The following DSP variants were observed in gnomAD, a reference collection of about 807,000 sequenced individuals.
The protein encoded by DSP is desmoplakin.
Under a neutral mutation model 290.6 loss-of-function variants are expected in DSP, and 114 were observed. The ratio of observed to expected loss-of-function variants is 0.39; its 90% CI spans 0.34 to 0.46. DSP has a LOEUF of 0.46. Among genes scored for constraint, DSP ranks in the 20% least tolerant of loss-of-function variants. The pLI is 0.99. For synonymous variants in DSP, 1,311 were observed against 1,316.4 expected, an observed-to-expected ratio of 1.00 and a Z score of 0.09; for missense variants, 3,230 against 3,495.8, an observed-to-expected ratio of 0.92 and a Z score of 1.92.
chr6:7,541,791 G>A lies in DSP; in HGVS notation c.-125G>A. 1 of 1,278,324 alleles carries A rather than the reference G, an allele frequency of 7.8e-7. No homozygotes were observed. Among genetic ancestry groups the A allele is most frequent in the Non-Finnish European group, 1.0e-6 (1 of 954,944 alleles). 79.2% of individuals were successfully genotyped at this position (1,278,324 alleles called of 1,614,324 possible). A position where few individuals can be genotyped will look rare whatever the true frequency, so the allele number is the denominator to read the frequency against. Reference sequence around the variant, plus strand: ...CCCAGGTAGCGAGCAGCGACCTCGCGAGCCTTCCGCACTCCCGCCCGGTTC... The same window carrying A: ...CCCAGGTAGCGAGCAGCGACCTCGCAAGCCTTCCGCACTCCCGCCCGGTTC... On this transcript the variant is annotated 5_prime_UTR_variant, in exon 1 of 24. Transcript: ENST00000379802.
At position 7,576,549 on chromosome 6, in the gene DSP, A is replaced by C. The variant is rs911272248; in HGVS notation, c.2793+93A>C. 2.0e-6 allele frequency: 3 copies of C among 1,500,388 alleles called. No individual in the cohort carries two copies. The African/African-American group carries it at 4.1e-5, about 21-fold the overall frequency. The allele number at this position is 1,500,388 out of a possible 1,614,324, so 92.9% of individuals were successfully genotyped here. ...GTTTTTGTATCAGTGCCTAGGTTTG[A>C]AATGATGAATATTTAATATTACTAA... On this transcript the variant is annotated intron_variant, in intron 19 of 23. Coordinates refer to ENST00000379802, the MANE Select transcript of DSP (RefSeq NM_004415.4).
chr6:7,543,377 T>C (rs994417479), intron 1 of DSP, among the ~76,000 whole-genome samples: 4 of 148,870 alleles, frequency 2.7e-5, no homozygotes, highest in African/African-American at 9.9e-5. Context: ...TGGGGCATCC[T>C]GAAAATCTAT....
At position 7,574,298 on chromosome 6, in the gene DSP, T is replaced by C; in HGVS notation, c.2297+46T>C. The C allele has an allele frequency of 1.9e-6, 3 of 1,585,890 alleles. No homozygotes were observed. In the East Asian group the frequency reaches 6.7e-5, roughly 35 times the overall value. ...TCTCATATTTTCCTTTTCTCAAGCT[T>C]CTTTTTCTGGGTCTTCATTTGCTTT... On this transcript the variant is annotated intron_variant, in intron 16 of 23. Transcript: ENST00000379802.
chr6:7,544,409 T>C (rs1018208868), intron 1 of DSP, among the ~76,000 whole-genome samples: 2 of 152,172 alleles, frequency 1.3e-5, no homozygotes. Context: ...GCTAAGTGAA[T>C]GATGATTAAG....
Position 7,575,402 on chromosome 6 carries a change from T to G in DSP, c.2544T>G (p.Leu848=). Residue 848 remains leucine, a synonymous_variant, in exon 18 of 24, where the codon CTT becomes CTG. Transcript: ENST00000379802. ...CTCAGACTTCACAGCAGTATCCACT[T>G]TATGATCTGGACTTGGGCAAGTTCG... ...IHSQTSQQYP[L]YDLDLGKFGE... is the part of the protein sequence containing the mutation. 6.2e-7 allele frequency: 1 copy of G among 1,614,202 alleles called. No individual in the cohort carries two copies. Among genetic ancestry groups the G allele is most frequent in the South Asian group, 1.1e-5 (1 of 91,078 alleles).
Position 7,584,207 on chromosome 6 carries a change from C to A in DSP, c.6945C>A (p.Ala2315=), listed in dbSNP as rs761888068. The A allele has an allele frequency of 1.9e-6, 3 of 1,613,986 alleles. No homozygotes were observed. The highest frequency in any genetic ancestry group is 1.7e-5 in the Admixed American group (1 of 59,990). The part of the protein sequence containing the change: ...VSNLRLPVEE[A]YKRGLVGIEF... ...ACTTGAGGTTACCAGTGGAGGAAGC[C>A]TACAAGAGAGGTCTGGTGGGCATTG... The change falls in exon 24 of 24, where the codon GCC becomes GCA. Residue 2315 remains alanine, a synonymous_variant. Transcript: ENST00000379802. This position sits in a 1 kb window ranked among gnomAD's most constrained non-coding sequence, Gnocchi z 6.4.
chr6:7,563,702 G>A (rs749504597), intron 5 of DSP, 34 bp from the exon 6 acceptor site: 1 of 1,580,758 alleles, frequency 6.3e-7, no homozygotes, highest in Non-Finnish European at 8.7e-7. Flanking sequence ...TCCACAAGGG[G>A]ATTTATATCT....
chr6:7,543,281 A>T (rs893343527), intron 1 of DSP, among the ~76,000 whole-genome samples: 1 of 151,874 alleles, frequency 6.6e-6, no homozygotes, highest in South Asian at 2.1e-4. Context: ...AATGCGCTCC[A>T]GGGAGTTTTG....
At chr6:7,578,418 T>A (rs565528167) in intron 21 of DSP, 46 bp from the exon 22 acceptor site, 67 of 1,538,116 alleles carry the variant, frequency 4.4e-5, no homozygotes, top group East Asian at 3.2e-4. Flanking sequence ...TAGGACTTTT[T>A]TTTTAATGCA....
chr6:7,558,079 A>T, intron 2 of DSP, 37 bp from the exon 3 acceptor site: 1 of 1,613,442 alleles, frequency 6.2e-7, no homozygotes, highest in Non-Finnish European at 8.5e-7. Context: ...TCTTCCTGGT[A>T]GTATGTGTTT....
intron 1 of DSP, among the ~76,000 whole-genome samples, chr6:7,549,338 G>A (rs1230343040): frequency 3.3e-5 from 5 of 152,012 alleles, no homozygotes; most frequent in African/African-American, 9.7e-5. Flanking sequence ...TAGTAGAGAC[G>A]GGGTTTCTCC....
intron 4 of DSP, among the ~76,000 whole-genome samples, chr6:7,561,548 G>A (rs1030522889): frequency 1.3e-5 from 2 of 152,122 alleles, no homozygotes; most frequent in East Asian, 1.9e-4. Flanking sequence ...TGTGTTTGCC[G>A]ATGGACAGGT....
chr6:7,580,886 C>G lies in DSP; in HGVS notation c.4696C>G (p.Leu1566Val), dbSNP rs201785897. ...ITRFQNSLKE[L>V]QLQKQKVEEE... ...GCGGTTCCAGAACTCTCTGAAAGAG[C>G]TGCAGCTGCAGAAGCAGAAGGTGGA... The change falls in exon 23 of 24, where the codon CTG becomes GTG. Residue 1566 changes from leucine to valine, a missense_variant. Physicochemically the swap from Leu to Val is conservative, Grantham distance 32. Around this residue, in one of 5 missense-constraint regions of DSP, gnomAD observed 1,714 missense variants for 1,844.5 expected, o/e 0.93. Coordinates refer to ENST00000379802, the MANE Select transcript of DSP (RefSeq NM_004415.4). The surrounding 1 kb of genome is among the most constrained non-coding windows in gnomAD (Gnocchi z 4.2). The G allele has an allele frequency of 2.4e-5, 38 of 1,614,118 alleles. No individual in the cohort carries two copies. Among genetic ancestry groups the G allele is most frequent in the Middle Eastern group, 3.3e-4 (2 of 6,062 alleles).
chr6:7,584,126 T>C lies in DSP; in HGVS notation c.6864T>C (p.Ala2288=). ...MKIGLVRPGT[A]LELLEAQAAT... ...TTGGCTTAGTCCGACCTGGTACTGCTCTGGAGTTGCTGGAAGCCCAAGCAG... is the reference window on the plus strand; with the variant it reads ...TTGGCTTAGTCCGACCTGGTACTGCCCTGGAGTTGCTGGAAGCCCAAGCAG... The change falls in exon 24 of 24, where the codon GCT becomes GCC. Residue 2288 remains alanine (A), a synonymous_variant. Transcript: ENST00000379802. The surrounding 1 kb of genome is among the most constrained non-coding windows in gnomAD (Gnocchi z 6.4). 6.2e-7 allele frequency: 1 copy of C among 1,614,102 alleles called. No individual in the cohort carries two copies. Among genetic ancestry groups the C allele is most frequent in the Non-Finnish European group, 8.5e-7 (1 of 1,180,024 alleles).
intron 9 of DSP, 138 bp from the exon 10 acceptor site, chr6:7,567,643 A>T: frequency 7.2e-7 from 1 of 1,386,362 alleles, no homozygotes; most frequent in Non-Finnish European, 1.0e-6. Context: ...CACATACCTA[A>T]ATACTTTCTG....
At chr6:7,578,712 C>A in intron 22 of DSP, 150 bp downstream of exon 22, 1 of 663,218 alleles carries the variant, frequency 1.5e-6, no homozygotes, top group Non-Finnish European at 2.6e-6. Context: ...GTTTGTAAGT[C>A]TGGGGTTACT....
intron 1 of DSP, among the ~76,000 whole-genome samples, chr6:7,552,511 C>G (rs1264879925): frequency 2.0e-5 from 3 of 147,050 alleles, no homozygotes; most frequent in Non-Finnish European, 4.5e-5. Flanking sequence ...TGCAGTGAGC[C>G]GAGATCATGC....
Position 7,584,918 on chromosome 6 carries a change from C to G in DSP, c.7656C>G (p.Leu2552=), listed in dbSNP as rs954061184. The change falls in exon 24 of 24, where the codon CTC becomes CTG. Residue 2552 remains leucine, a synonymous_variant. Coordinates refer to ENST00000379802, the MANE Select transcript of DSP (RefSeq NM_004415.4). This position sits in a 1 kb window ranked among gnomAD's most constrained non-coding sequence, Gnocchi z 6.4. Reference sequence around the variant, plus strand: ...TTGATCAGTACCGATCCGGCAGCCTCAGCCTCACTCAATTTGCTGACATGA... The same window carrying G: ...TTGATCAGTACCGATCCGGCAGCCTGAGCCTCACTCAATTTGCTGACATGA... The part of the protein sequence containing the change: ...KFFDQYRSGS[L]SLTQFADMIS... 3 of 1,614,096 alleles carry G rather than the reference C, an allele frequency of 1.9e-6. No homozygotes were observed. The Admixed American group carries it at 5.0e-5, about 27-fold the overall frequency.
intron 6 of DSP, among the ~76,000 whole-genome samples, chr6:7,563,996 C>A (rs1488616792): frequency 1.3e-5 from 2 of 152,134 alleles, no homozygotes; most frequent in African/African-American, 4.8e-5. Context: ...ACCATGTTCA[C>A]CATGTTAACC....
Sources: allele counts gnomAD v4.1 joint callset (sites outside exome capture counted in the v4.1 genomes callset), GRCh38; gene constraint gnomAD v4.1.1; regional missense constraint gnomAD v4.1.1; non-coding constraint Gnocchi (gnomAD v3.1); transcripts MANE v1.5; gene names NCBI Gene and HGNC (gene_info 2026-07-23, HGNC 2026-07-21).